FHOD3: variants seen among roughly 807,000 people sequenced by gnomAD.
FHOD3 encodes the protein formin homology 2 domain containing 3.
In FHOD3, 90 loss-of-function variants were observed where a neutral mutation model predicts 173.0. The observed-to-expected ratio is 0.52, with a 90% CI of 0.44 to 0.62. The LOEUF is 0.62. Among genes scored for constraint, FHOD3 ranks in the 20% least tolerant of loss-of-function variants. The pLI is 0.00. For synonymous variants in FHOD3, 828 were observed against 823.0 expected (o/e 1.01, Z -0.10); for missense variants, 1,945 against 2,034.7 (o/e 0.96, Z 0.85).
At chr18:36,555,800 T>C (rs1314645244) in intron 5 of FHOD3, among the ~76,000 whole-genome samples, 1 of 152,216 alleles carries the variant, frequency 6.6e-6, no homozygotes, top group African/African-American at 2.4e-5. Flanking sequence ...ACATTCTTCA[T>C]CTCTGGCAAT....
chr18:36,739,242 C>A (rs1001586269), intron 20 of FHOD3, among the ~76,000 whole-genome samples: 1 of 152,166 alleles, frequency 6.6e-6, no homozygotes, highest in African/African-American at 2.4e-5. Flanking sequence ...TTTGTGTTGA[C>A]CTGGCTTTTA....
chr18:36,509,131 G>A (rs753374354), intron 4 of FHOD3, among the ~76,000 whole-genome samples: 3 of 152,006 alleles, frequency 2.0e-5, no homozygotes, highest in Non-Finnish European at 4.4e-5. Context: ...CAAATGACCC[G>A]GTTTCTTCAA....
intron 3 of FHOD3, among the ~76,000 whole-genome samples, chr18:36,414,997 A>C (rs1030824355): frequency 6.6e-6 from 1 of 152,190 alleles, no homozygotes; most frequent in Non-Finnish European, 1.5e-5. Flanking sequence ...GGACCTGGCT[A>C]GCAGGAGGGG....
intron 10 of FHOD3, among the ~76,000 whole-genome samples, chr18:36,640,534 G>T (rs558752452): frequency 1.6e-4 from 25 of 152,154 alleles, no homozygotes; most frequent in Non-Finnish European, 3.4e-4. Context: ...AGACTGGAGG[G>T]CCATGTTCTT....
At chr18:36,768,325 A>T (rs546091096) in intron 27 of FHOD3, among the ~76,000 whole-genome samples, 15 of 152,376 alleles carry the variant, frequency 9.8e-5, no homozygotes, top group Admixed American at 1.3e-4. Context: ...ACTGCAGTTG[A>T]CCTTTGAACA....
At chr18:36,763,047 A>G (rs1261386387) in intron 27 of FHOD3, among the ~76,000 whole-genome samples, 2 of 131,434 alleles carry the variant, frequency 1.5e-5, no homozygotes, top group African/African-American at 5.3e-5. Context: ...TATGCGTATT[A>G]TACACGTTAT....
chr18:36,524,954 G>A (rs997374266), intron 5 of FHOD3, among the ~76,000 whole-genome samples: 3 of 152,082 alleles, frequency 2.0e-5, no homozygotes, highest in Non-Finnish European at 4.4e-5. Context: ...GTGCCATCAA[G>A]CCAAGAATAA....
intron 3 of FHOD3, among the ~76,000 whole-genome samples, chr18:36,405,262 G>C (rs1005587197): frequency 6.6e-6 from 1 of 152,198 alleles, no homozygotes; most frequent in East Asian, 1.9e-4. Flanking sequence ...TGTAAGATGG[G>C]CCTCACAACA....
chr18:36,620,596 A>T (rs2848911), intron 9 of FHOD3, among the ~76,000 whole-genome samples: 77 of 152,370 alleles, frequency 5.1e-4, no homozygotes, highest in Admixed American at 1.5e-3. Context: ...CAGCTGCCCA[A>T]AGTAGAAGTT....
At chr18:36,323,984 T>G (rs2044536418) in intron 1 of FHOD3, among the ~76,000 whole-genome samples, 1 of 152,248 alleles carries the variant, frequency 6.6e-6, no homozygotes, top group African/African-American at 2.4e-5. Context: ...GAGCCCAGCA[T>G]TCTCTGTTGA....
At chr18:36,575,020 G>A (rs549770949) in intron 5 of FHOD3, among the ~76,000 whole-genome samples, 1 of 151,190 alleles carries the variant, frequency 6.6e-6, no homozygotes, top group African/African-American at 2.4e-5. Context: ...ACCCAGACTG[G>A]AGTGCAGTGG....
intron 22 of FHOD3, among the ~76,000 whole-genome samples, chr18:36,743,604 G>A (rs530636583): frequency 2.6e-5 from 4 of 152,300 alleles, no homozygotes; most frequent in African/African-American, 9.6e-5. Context: ...TGGTAAACAT[G>A]TGCCCTGGTA....
intron 5 of FHOD3, among the ~76,000 whole-genome samples, chr18:36,553,811 C>CA (rs1336547336): frequency 6.6e-6 from 1 of 152,056 alleles, no homozygotes; most frequent in Non-Finnish European, 1.5e-5. Context: ...ACAACCCTAT[C>CA]AAAAAGTGGG....
At chr18:36,639,682 G>A (rs1055968486) in intron 10 of FHOD3, among the ~76,000 whole-genome samples, 1 of 148,666 alleles carries the variant, frequency 6.7e-6, no homozygotes, top group Non-Finnish European at 1.5e-5. Context: ...AAAAAGCTGG[G>A]CGTGGTGGTG....
chr18:36,409,176 G>T (rs568040687), intron 3 of FHOD3, among the ~76,000 whole-genome samples: 2 of 152,260 alleles, frequency 1.3e-5, no homozygotes, highest in South Asian at 4.2e-4. Flanking sequence ...CCTTCTTGGG[G>T]GGGTAATTCT....
chr18:36,571,549 A>G (rs1403078596), intron 5 of FHOD3, among the ~76,000 whole-genome samples: 3 of 152,210 alleles, frequency 2.0e-5, no homozygotes, highest in Non-Finnish European at 2.9e-5. Flanking sequence ...AGGCAAAAGA[A>G]CAAGAATGGC....
intron 3 of FHOD3, among the ~76,000 whole-genome samples, chr18:36,413,781 C>T (rs968216512): frequency 6.6e-6 from 1 of 152,136 alleles, no homozygotes; most frequent in East Asian, 1.9e-4. Flanking sequence ...TCCATTTTAA[C>T]CATTTTAAGT....
At chr18:36,316,614 C>A (rs1165019338) in intron 1 of FHOD3, among the ~76,000 whole-genome samples, 1 of 152,188 alleles carries the variant, frequency 6.6e-6, no homozygotes, top group Non-Finnish European at 1.5e-5. Context: ...TTATTTAGGG[C>A]TCAGAGTAAT....
intron 13 of FHOD3, among the ~76,000 whole-genome samples, chr18:36,656,838 A>G (rs1459411590): frequency 6.6e-6 from 1 of 152,176 alleles, no homozygotes; most frequent in Non-Finnish European, 1.5e-5. Context: ...AGCCATTTCC[A>G]CATTTCTACC....
Sources: allele counts gnomAD v4.1 joint callset (sites outside exome capture counted in the v4.1 genomes callset), GRCh38; gene constraint gnomAD v4.1.1; transcripts MANE v1.5; gene names NCBI Gene and HGNC (gene_info 2026-07-23, HGNC 2026-07-21).